NR2C2: variants seen among roughly 807,000 people sequenced by gnomAD.
The protein encoded by NR2C2 is nuclear receptor subfamily 2 group C member 2, also known as Nuclear hormone receptor TR4.
NR2C2 carries 6 observed loss-of-function variants against 62.9 expected under a neutral mutation model. The ratio of observed to expected loss-of-function variants is 0.10; its 90% CI spans 0.05 to 0.19. The LOEUF (loss-of-function observed/expected upper bound fraction) is 0.19, where lower values mean the gene tolerates loss of function less well. NR2C2 is among the 10% of genes least tolerant of loss of function. The pLI, the probability that NR2C2 is intolerant of heterozygous loss-of-function variation, is 1.00. For missense variants in NR2C2, 479 were observed against 762.7 expected (o/e 0.63, Z 4.38); for synonymous variants, 272 against 273.8 (o/e 0.99, Z 0.07).
At chr3:14,975,233 G>A (rs902352475) in intron 1 of NR2C2, among the ~76,000 whole-genome samples, 3 of 152,028 alleles carry the variant, frequency 2.0e-5, no homozygotes, top group African/African-American at 7.3e-5. Flanking sequence ...TTGACTAATT[G>A]CCCTGGCTAG....
chr3:15,032,030 C>T (rs1421928178), intron 9 of NR2C2, among the ~76,000 whole-genome samples: 1 of 152,156 alleles, frequency 6.6e-6, no homozygotes, highest in Non-Finnish European at 1.5e-5. Flanking sequence ...GCACCTGGCC[C>T]CTGTTCCCCA....
At chr3:15,035,960 GGAGGTTGCAGTGAGCC>G (rs2042091891) in intron 11 of NR2C2, among the ~76,000 whole-genome samples, 1 of 151,856 alleles carries the variant, frequency 6.6e-6, no homozygotes, top group Non-Finnish European at 1.5e-5. Flanking sequence ...CCTGGGAGGC[GGAGGTTGCAGTGAGCC>G]GAGATCACGC....
At chr3:14,968,466 A>G (rs1210459680) in intron 1 of NR2C2, among the ~76,000 whole-genome samples, 2 of 151,820 alleles carry the variant, frequency 1.3e-5, no homozygotes, top group East Asian at 1.9e-4. Flanking sequence ...AATGGCAATC[A>G]TTAAAAAGTC....
chr3:15,029,118 T>C (rs1559303450), intron 8 of NR2C2, among the ~76,000 whole-genome samples: 1 of 148,698 alleles, frequency 6.7e-6, no homozygotes, highest in Non-Finnish European at 1.5e-5. Flanking sequence ...TCTTTTTTTT[T>C]TTTTTTAATA....
chr3:14,996,457 C>A (rs1490307253), intron 1 of NR2C2, among the ~76,000 whole-genome samples: 1 of 152,172 alleles, frequency 6.6e-6, no homozygotes, highest in African/African-American at 2.4e-5. Context: ...CTGAATGTAA[C>A]TGATGTTTAA....
At chr3:14,984,999 A>C (rs2125342195) in intron 1 of NR2C2, among the ~76,000 whole-genome samples, 1 of 152,180 alleles carries the variant, frequency 6.6e-6, no homozygotes, top group Non-Finnish European at 1.5e-5. Flanking sequence ...CTAGCTCTTA[A>C]TTGTAATTTT....
intron 1 of NR2C2, among the ~76,000 whole-genome samples, chr3:14,969,072 C>G (rs1293750531): frequency 6.7e-6 from 1 of 149,136 alleles, no homozygotes; most frequent in Non-Finnish European, 1.5e-5. Context: ...ACCAGCATGG[C>G]ACATGTATAC....
intron 1 of NR2C2, among the ~76,000 whole-genome samples, chr3:14,966,358 C>CT (rs1231715953): frequency 2.0e-5 from 3 of 152,198 alleles, no homozygotes; most frequent in African/African-American, 4.8e-5. Context: ...GAAAGAGACT[C>CT]TATCGAGTGA....
chr3:14,995,287 A>G (rs2040800318), intron 1 of NR2C2, among the ~76,000 whole-genome samples: 1 of 149,972 alleles, frequency 6.7e-6, no homozygotes, highest in African/African-American at 2.5e-5. Context: ...GCCATCGCTA[A>G]TACCTAATTT....
chr3:14,955,319 A>G (rs1053187734), intron 1 of NR2C2, among the ~76,000 whole-genome samples: 2 of 152,216 alleles, frequency 1.3e-5, no homozygotes, highest in African/African-American at 4.8e-5. Context: ...TCTGTTAGCA[A>G]TACTGAAACA....
chr3:14,976,931 A>C (rs561187077), intron 1 of NR2C2, among the ~76,000 whole-genome samples: 1 of 152,194 alleles, frequency 6.6e-6, no homozygotes, highest in African/African-American at 2.4e-5. Context: ...TTCTGTTCTG[A>C]AATATACAGT....
chr3:14,958,444 G>T (rs1162702255), intron 1 of NR2C2, among the ~76,000 whole-genome samples: 1 of 151,984 alleles, frequency 6.6e-6, no homozygotes, highest in African/African-American at 2.4e-5. Context: ...ATCTTTGAAG[G>T]TTAACAAGCT....
chr3:14,950,782 ATTTG>A (rs1453789156), intron 1 of NR2C2, among the ~76,000 whole-genome samples: 1 of 152,276 alleles, frequency 6.6e-6, no homozygotes, highest in East Asian at 1.9e-4. Flanking sequence ...GCCTGGCACT[ATTTG>A]TTGAATGAAT....
intron 1 of NR2C2, among the ~76,000 whole-genome samples, chr3:14,977,875 G>T (rs1057055838): frequency 6.6e-6 from 1 of 150,476 alleles, no homozygotes; most frequent in Non-Finnish European, 1.5e-5. Context: ...TGAGGCACAA[G>T]AATTGCTTGA....
chr3:14,952,683 A>G (rs906930029), intron 1 of NR2C2, among the ~76,000 whole-genome samples: 19 of 152,182 alleles, frequency 1.2e-4, no homozygotes, highest in African/African-American at 4.3e-4. Context: ...ACACATTGTA[A>G]AAGATATGTT....
At chr3:14,973,235 G>C (rs529288007) in intron 1 of NR2C2, among the ~76,000 whole-genome samples, 2 of 151,862 alleles carry the variant, frequency 1.3e-5, no homozygotes, top group East Asian at 3.9e-4. Flanking sequence ...TTTCCTCTAT[G>C]ATTTTTTTTT....
chr3:15,025,288 TC>T (rs903712409), intron 7 of NR2C2, among the ~76,000 whole-genome samples: 3 of 152,236 alleles, frequency 2.0e-5, no homozygotes, highest in African/African-American at 7.2e-5. Context: ...GAACCAAGAC[TC>T]CAGAACTGGC....
At chr3:15,004,330 G>A (rs1322149271) in intron 2 of NR2C2, among the ~76,000 whole-genome samples, 1 of 152,100 alleles carries the variant, frequency 6.6e-6, no homozygotes, top group Admixed American at 6.5e-5. Flanking sequence ...GTTGACCTTG[G>A]TCAATTAACT....
At chr3:14,988,904 A>T (rs2040585304) in intron 1 of NR2C2, among the ~76,000 whole-genome samples, 1 of 152,182 alleles carries the variant, frequency 6.6e-6, no homozygotes, top group African/African-American at 2.4e-5. Flanking sequence ...TGGAAATTTC[A>T]TCATTTATAG....
Sources: allele counts gnomAD v4.1 joint callset (sites outside exome capture counted in the v4.1 genomes callset), GRCh38; gene constraint gnomAD v4.1.1; transcripts MANE v1.5; gene names NCBI Gene and HGNC (gene_info 2026-07-23, HGNC 2026-07-21).